Variants in ARHGAP32 observed in about 807,000 individuals in gnomAD.
The protein encoded by ARHGAP32 is Rho GTPase activating protein 32.
Under a neutral mutation model 186.5 loss-of-function variants are expected in ARHGAP32, and 51 were observed. The ratio of observed to expected loss-of-function variants is 0.27; its 90% CI spans 0.22 to 0.35. ARHGAP32 has a LOEUF of 0.35. ARHGAP32 is among the 10% of genes least tolerant of loss of function. ARHGAP32 has a pLI of 1.00. For synonymous variants in ARHGAP32, 950 were observed against 964.3 expected, an observed-to-expected ratio of 0.99 and a Z score of 0.27; for missense variants, 2,186 against 2,623.5, an observed-to-expected ratio of 0.83 and a Z score of 3.64.
At chr11:129,044,205 T>C (rs983815322) in intron 10 of ARHGAP32, among the ~76,000 whole-genome samples, 9 of 152,188 alleles carry the variant, frequency 5.9e-5, no homozygotes, top group African/African-American at 1.7e-4. Flanking sequence ...GTAATAATAA[T>C]GCCTATCTCA....
At position 128,970,620 on chromosome 11, in the gene ARHGAP32, G is replaced by T; in HGVS notation, c.4593C>A (p.His1531Gln). The T allele has an allele frequency of 6.2e-7, 1 of 1,614,186 alleles. No homozygotes were observed. Among genetic ancestry groups the T allele is most frequent in the Non-Finnish European group, 8.5e-7 (1 of 1,180,040 alleles). ...VPPHHNKLEQHQVYGARSEPP... is the reference protein window; with the variant it reads ...VPPHHNKLEQQQVYGARSEPP... ...GCTCTGACCTGGCACCATACACTTG[G>T]TGCTGCTCCAATTTATTGTGATGGG... The change falls in exon 23 of 23, where the codon CAC (histidine) becomes CAA (glutamine). Residue 1531 changes from histidine to glutamine, a missense_variant. Physicochemically the swap from His to Gln is conservative, Grantham distance 24. Coordinates refer to ENST00000682385, the MANE Select transcript of ARHGAP32 (RefSeq NM_001378024.1). This position sits in a 1 kb window ranked among gnomAD's most constrained non-coding sequence, Gnocchi z 5.8.
At chr11:128,975,046 T>C in intron 20 of ARHGAP32, 44 bp from the exon 21 acceptor site, 2 of 1,525,062 alleles carry the variant, frequency 1.3e-6, no homozygotes, top group Non-Finnish European at 1.8e-6. Flanking sequence ...ACATCGTAGA[T>C]ACAGAATGCT....
At chr11:129,003,098 G>A (rs886183512) in intron 11 of ARHGAP32, among the ~76,000 whole-genome samples, 3 of 152,120 alleles carry the variant, frequency 2.0e-5, no homozygotes, top group African/African-American at 7.2e-5. Context: ...GCCCGGCCAA[G>A]GGATGTTGAA....
intron 6 of ARHGAP32, among the ~76,000 whole-genome samples, chr11:129,079,748 C>T (rs1166199156): frequency 2.6e-5 from 4 of 152,140 alleles, no homozygotes; most frequent in Non-Finnish European, 4.4e-5. Flanking sequence ...TAGTACATCA[C>T]ATCTCAATAC....
chr11:129,268,121 C>A lies in ARHGAP32; in HGVS notation c.-5+11025G>T, dbSNP rs371469420. ...CAGATCTGCAATTTGTATCCCTACC[C>A]CGAGTCCCAAAAATGTTAGGGATGG... On this transcript the variant is annotated intron_variant, in intron 1 of 6. Transcript: ENST00000525234. Among the ~76,000 whole-genome samples, 6 of 152,180 alleles carry A rather than the reference C, an allele frequency of 3.9e-5. No homozygotes were observed. In the East Asian group the frequency reaches 9.7e-4, roughly 24 times the overall value.
chr11:129,187,360 G>A (rs1483110127), intron 1 of ARHGAP32, among the ~76,000 whole-genome samples: 1 of 151,344 alleles, frequency 6.6e-6, no homozygotes, highest in Admixed American at 6.6e-5. Context: ...ATGGTTACCA[G>A]AGGCTGGGAA....
intron 6 of ARHGAP32, among the ~76,000 whole-genome samples, chr11:129,083,592 A>G (rs1941290490): frequency 1.3e-5 from 2 of 152,148 alleles, no homozygotes; most frequent in South Asian, 2.1e-4. Context: ...AGAAGGGATA[A>G]AAGACAACAC....
chr11:129,024,039 C>T, intron 11 of ARHGAP32: 1 of 985,518 alleles, frequency 1.0e-6, no homozygotes, highest in Non-Finnish European at 1.2e-6. Context: ...GGTCCCACAT[C>T]ACTGCCGGGT....
intron 1 of ARHGAP32, among the ~76,000 whole-genome samples, chr11:129,255,912 A>C (rs1413758137): frequency 6.6e-6 from 1 of 152,118 alleles, no homozygotes; most frequent in African/African-American, 2.4e-5. Context: ...TGTTCTCAGG[A>C]GTAATATTCG....
At chr11:129,121,109 G>C (rs1331859668) in intron 5 of ARHGAP32, among the ~76,000 whole-genome samples, 1 of 151,828 alleles carries the variant, frequency 6.6e-6, no homozygotes, top group African/African-American at 2.4e-5. Flanking sequence ...TAAGAACTGA[G>C]ACATAGGAAC....
chr11:129,104,962 G>A (rs923268991), intron 5 of ARHGAP32, among the ~76,000 whole-genome samples: 6 of 152,064 alleles, frequency 3.9e-5, no homozygotes, highest in South Asian at 4.1e-4. Context: ...AACCCTCACC[G>A]GGCCTGAAAG....
In ARHGAP32 at chr11:129,066,779, G is replaced by A. The variant is rs1249199887; in HGVS notation, c.621C>T (p.Ser207=). The A allele has an allele frequency of 6.2e-7, 1 of 1,612,250 alleles. No homozygotes were observed. Among genetic ancestry groups the A allele is most frequent in the Non-Finnish European group, 8.5e-7 (1 of 1,178,946 alleles). Residue 207 remains serine, a synonymous_variant, in exon 7 of 23, where the codon TCC becomes TCT. Coordinates refer to ENST00000682385, the MANE Select transcript of ARHGAP32 (RefSeq NM_001378024.1). ...LHLCIYDRRF[S]QLSELPRSDT... The stretch of plus-strand genomic sequence containing the variant: ...CAGAACGGGGAAGTTCTGAGAGCTG[G>A]GAAAATCTTCGGTCATAAATACACA...
In ARHGAP32 at chr11:128,967,008, T is replaced by C. The variant is rs1945236591; in HGVS notation, c.*1899A>G. ...AACAGTTGGTTCTGCACTTTTAATG[T>C]AGAGGCCTCAATTTCCACAGACCTT... On this transcript the variant is annotated 3_prime_UTR_variant, in exon 23 of 23. Coordinates refer to ENST00000682385, the MANE Select transcript of ARHGAP32 (RefSeq NM_001378024.1). 2 of 152,364 alleles carry C rather than the reference T, an allele frequency of 1.3e-5. No individual in the cohort carries two copies. The highest frequency in any genetic ancestry group is 1.9e-4 in the East Asian group (1 of 5,194). 9.4% of individuals were successfully genotyped at this position (152,364 alleles called of 1,614,324 possible).
At chr11:129,230,710 A>C (rs536615496) in intron 1 of ARHGAP32, among the ~76,000 whole-genome samples, 1 of 152,326 alleles carries the variant, frequency 6.6e-6, no homozygotes, top group African/African-American at 2.4e-5. Context: ...TTTTTAAAAT[A>C]TCTTTGAGCT....
At chr11:129,006,928 G>A (rs1230375921) in intron 11 of ARHGAP32, among the ~76,000 whole-genome samples, 1 of 152,010 alleles carries the variant, frequency 6.6e-6, no homozygotes, top group Non-Finnish European at 1.5e-5. Flanking sequence ...AGCTGAGCTG[G>A]CACTCAAACC....
intron 6 of ARHGAP32, among the ~76,000 whole-genome samples, chr11:129,092,680 G>GT: frequency 6.6e-6 from 1 of 152,020 alleles, no homozygotes; most frequent in East Asian, 1.9e-4. Context: ...CTTAATTCTG[G>GT]TAAGTTTTCC....
At chr11:129,202,134 C>A (rs1407705227) in intron 1 of ARHGAP32, among the ~76,000 whole-genome samples, 1 of 151,844 alleles carries the variant, frequency 6.6e-6, no homozygotes, top group African/African-American at 2.4e-5. Flanking sequence ...TTTTAATACA[C>A]ACATGCAAAG....
intron 6 of ARHGAP32, 147 bp downstream of exon 6, chr11:129,093,474 T>G: frequency 1.5e-6 from 1 of 652,220 alleles, no homozygotes. Flanking sequence ...ACAATAGTCA[T>G]TATTGCACAA....
intron 11 of ARHGAP32, among the ~76,000 whole-genome samples, chr11:129,036,380 C>CAAAAAAAAA (rs58678377): frequency 2.0e-5 from 2 of 98,684 alleles, no homozygotes; most frequent in Non-Finnish European, 3.8e-5. Context: ...AACTCCGTCT[C>CAAAAAAAAA]AAAAAAAAAA....
Sources: allele counts gnomAD v4.1 joint callset (sites outside exome capture counted in the v4.1 genomes callset), GRCh38; gene constraint gnomAD v4.1.1; non-coding constraint Gnocchi (gnomAD v3.1); transcripts MANE v1.5; gene names NCBI Gene and HGNC (gene_info 2026-07-23, HGNC 2026-07-21).